The following ABCB5 variants were observed in gnomAD, a reference collection of about 807,000 sequenced individuals.
ABCB5 encodes the protein ATP binding cassette subfamily B member 5, also known as ATP-binding cassette sub-family B member 5.
ABCB5 carries 155 observed loss-of-function variants against 144.2 expected under a neutral mutation model. The observed-to-expected ratio is 1.08, with a 90% CI of 0.94 to 1.23. ABCB5 has a LOEUF of 1.23. Among genes scored for constraint, ABCB5 ranks in the 50% most tolerant of loss-of-function variants. ABCB5 has a pLI of 0.00. For missense variants in ABCB5, 1,830 were observed against 1,520.8 expected, an observed-to-expected ratio of 1.20 and a Z score of -3.38; for synonymous variants, 610 against 528.6, an observed-to-expected ratio of 1.15 and a Z score of -2.11.
rs762590836 is a variant in ABCB5 at position 20,723,089 on chromosome 7, T to C, written c.2495T>C (p.Ile832Thr). ...GGACTTTCAGTTATCATTTCCTTTA[T>C]ATATGGATGGGAGATGACATTCCTG... is the stretch of plus-strand genomic sequence containing the variant. ...NMGLSVIISF[I>T]YGWEMTFLIL... Residue 832 changes from isoleucine (I) to threonine (T), a missense_variant, in exon 21 of 28, where the codon ATA becomes ACA. Physicochemically the swap from Ile to Thr is moderately conservative, Grantham distance 89. Coordinates refer to ENST00000404938, the MANE Select transcript of ABCB5 (RefSeq NM_001163941.2). 6.8e-6 allele frequency: 11 copies of C among 1,614,026 alleles called. No individual in the cohort carries two copies. Among genetic ancestry groups the C allele is most frequent in the South Asian group, 2.2e-5 (2 of 91,084 alleles).
At chr7:20,648,389 C>G (rs1398161380) in intron 11 of ABCB5, among the ~76,000 whole-genome samples, 1 of 152,104 alleles carries the variant, frequency 6.6e-6, no homozygotes, top group Non-Finnish European at 1.5e-5. Context: ...TAGATGCTAC[C>G]CCACTCAACA....
At chr7:20,654,572 C>G (rs1783660846) in intron 13 of ABCB5, among the ~76,000 whole-genome samples, 1 of 152,156 alleles carries the variant, frequency 6.6e-6, no homozygotes, top group South Asian at 2.1e-4. Flanking sequence ...GCAACATTCT[C>G]TAAAATAAAC....
intron 14 of ABCB5, among the ~76,000 whole-genome samples, chr7:20,665,519 G>A (rs1785147661): frequency 6.6e-6 from 1 of 152,044 alleles, no homozygotes; most frequent in African/African-American, 2.4e-5. Context: ...AAATTTGATA[G>A]CCTAAAAGAA....
In ABCB5 at chr7:20,751,855, C is replaced by T. The variant is rs572066186; in HGVS notation, c.3430-1505C>T. Among the ~76,000 whole-genome samples the T allele has an allele frequency of 2.2e-4, 34 of 152,240 alleles. 1 individual carries two copies. Among genetic ancestry groups the T allele is most frequent in the African/African-American group, 7.0e-4 (29 of 41,532 alleles). On this transcript the variant is annotated intron_variant, in intron 26 of 27. Coordinates refer to ENST00000404938, the MANE Select transcript of ABCB5 (RefSeq NM_001163941.2). Reference sequence around the variant, plus strand: ...CCCAGATAAATGACAGAGAAAACAGCGAAAGTCTGTATTCTTTGTAGAGCA... The same window carrying T: ...CCCAGATAAATGACAGAGAAAACAGTGAAAGTCTGTATTCTTTGTAGAGCA...
At chr7:20,694,661 G>C (rs1301332302) in intron 16 of ABCB5, among the ~76,000 whole-genome samples, 1 of 151,956 alleles carries the variant, frequency 6.6e-6, no homozygotes, top group Non-Finnish European at 1.5e-5. Flanking sequence ...TTTATTCACA[G>C]ATGGCATGAT....
At chr7:20,677,366 T>C (rs573400005) in intron 14 of ABCB5, among the ~76,000 whole-genome samples, 1 of 152,276 alleles carries the variant, frequency 6.6e-6, no homozygotes, top group East Asian at 1.9e-4. Context: ...TGAATAATAA[T>C]TATAGTCTGA....
intron 14 of ABCB5, among the ~76,000 whole-genome samples, chr7:20,677,257 C>G (rs922129155): frequency 3.3e-5 from 5 of 152,112 alleles, no homozygotes; most frequent in African/African-American, 1.2e-4. Context: ...TAGAAAAGAG[C>G]TCCGAAGCAC....
At chr7:20,669,450 A>C (rs1157675817) in intron 14 of ABCB5, among the ~76,000 whole-genome samples, 9 of 137,126 alleles carry the variant, frequency 6.6e-5, no homozygotes, top group African/African-American at 2.6e-4. Flanking sequence ...GCTCTCTGAA[A>C]CATGTGCTGT....
At chr7:20,710,019 C>G (rs1259408828) in intron 20 of ABCB5, among the ~76,000 whole-genome samples, 1 of 146,206 alleles carries the variant, frequency 6.8e-6, no homozygotes, top group Non-Finnish European at 1.5e-5. Flanking sequence ...AGGCCAAGAC[C>G]ATGCCACTGC....
chr7:20,644,717 T>C (rs1784366012), intron 7 of ABCB5, among the ~76,000 whole-genome samples: 1 of 152,238 alleles, frequency 6.6e-6, no homozygotes, highest in African/African-American at 2.4e-5. Flanking sequence ...TCATTCTTTA[T>C]GGAAATCCAG....
intron 24 of ABCB5, among the ~76,000 whole-genome samples, chr7:20,741,302 T>C (rs1782554009): frequency 6.6e-6 from 1 of 152,044 alleles, no homozygotes. Flanking sequence ...CTAGAATACC[T>C]CTGTGAGCTA....
chr7:20,618,838 G>A (rs1223859389), intron 1 of ABCB5, among the ~76,000 whole-genome samples: 12 of 120,148 alleles, frequency 1.0e-4, no homozygotes, highest in South Asian at 2.9e-4. Context: ...GCAGTGGCAC[G>A]ATCTCAGCTC....
chr7:20,642,656 T>A (rs1371089326), intron 5 of ABCB5, among the ~76,000 whole-genome samples: 1 of 152,242 alleles, frequency 6.6e-6, no homozygotes, highest in East Asian at 1.9e-4. Context: ...TAATTACATT[T>A]CTTATCTGAT....
intron 4 of ABCB5, among the ~76,000 whole-genome samples, chr7:20,631,721 A>G (rs1292953618): frequency 1.3e-5 from 2 of 152,126 alleles, no homozygotes; most frequent in Non-Finnish European, 2.9e-5. Flanking sequence ...AACTTAATTT[A>G]AAGTGTATAA....
At chr7:20,646,830 T>C (rs1012943332) in intron 9 of ABCB5, among the ~76,000 whole-genome samples, 2 of 152,226 alleles carry the variant, frequency 1.3e-5, no homozygotes, top group African/African-American at 2.4e-5. Context: ...ATCTTTTGAA[T>C]TTGAGGCATT....
At chr7:20,681,054 CTCTCTCTTTCTTTCTTTCTT>C (rs1785794522) in intron 14 of ABCB5, among the ~76,000 whole-genome samples, 1 of 45,364 alleles carries the variant, frequency 2.2e-5, no homozygotes, top group African/African-American at 1.3e-4. Flanking sequence ...CTTTCTCTCT[CTCTCTCTTTCTTTCTTTCTT>C]TCTTTCTTTC....
At chr7:20,634,735 T>C (rs185225311) in intron 5 of ABCB5, among the ~76,000 whole-genome samples, 3 of 152,228 alleles carry the variant, frequency 2.0e-5, no homozygotes, top group African/African-American at 4.8e-5. Flanking sequence ...GCCCACTTTT[T>C]AATGGAGTTA....
chr7:20,649,359 T>C (rs1441775410), intron 11 of ABCB5, among the ~76,000 whole-genome samples: 1 of 152,122 alleles, frequency 6.6e-6, no homozygotes, highest in African/African-American at 2.4e-5. Context: ...GCTAACTACA[T>C]ACAGATGCAA....
At position 20,633,495 on chromosome 7, in the gene ABCB5, A is replaced by G. The variant is rs568445380; in HGVS notation, c.314+1382A>G. On this transcript the variant is annotated intron_variant, in intron 5 of 27. Coordinates refer to ENST00000404938, the MANE Select transcript of ABCB5 (RefSeq NM_001163941.2). Reference sequence around the variant, plus strand: ...TAATTAAAAAAATTATAATTGACACACAATAATTATACATATTTATGAGGT... The same window carrying G: ...TAATTAAAAAAATTATAATTGACACGCAATAATTATACATATTTATGAGGT... Among the ~76,000 whole-genome samples, 5 of 152,258 alleles carry G rather than the reference A, an allele frequency of 3.3e-5. No individual in the cohort carries two copies. The East Asian group carries it at 9.6e-4, about 29-fold the overall frequency.
Sources: allele counts gnomAD v4.1 joint callset (sites outside exome capture counted in the v4.1 genomes callset), GRCh38; gene constraint gnomAD v4.1.1; transcripts MANE v1.5; gene names NCBI Gene and HGNC (gene_info 2026-07-23, HGNC 2026-07-21).